The following ACER3 variants were observed in gnomAD, a reference collection of about 807,000 sequenced individuals.
ACER3 encodes the protein alkCDase 3.
Under a neutral mutation model 48.9 loss-of-function variants are expected in ACER3, and 16 were observed. The ratio of observed to expected loss-of-function variants is 0.33; its 90% CI spans 0.22 to 0.50. ACER3 has a LOEUF of 0.50. Among genes scored for constraint, ACER3 ranks in the 20% least tolerant of loss-of-function variants. The pLI is 0.98. For missense variants in ACER3, 227 were observed against 326.0 expected (o/e 0.70, Z 2.34); for synonymous variants, 109 against 107.8 (o/e 1.01, Z -0.07).
intron 2 of ACER3, among the ~76,000 whole-genome samples, chr11:76,942,084 G>T (rs952799540): frequency 1.3e-5 from 2 of 151,948 alleles, no homozygotes; most frequent in African/African-American, 4.8e-5. Context: ...CTTTAGGATT[G>T]TCTGGATATA....
At chr11:76,994,093 A>G (rs1410340546) in intron 6 of ACER3, 5 of 441,194 alleles carry the variant, frequency 1.1e-5, no homozygotes, top group South Asian at 1.6e-5. Flanking sequence ...CTATTTTCCT[A>G]TAACATTTAT....
Position 76,942,717 on chromosome 11 carries a change from C to G in ACER3, c.214+16050C>G, listed in dbSNP as rs12285246. Among the ~76,000 whole-genome samples the G allele has an allele frequency of 1.4e-3, 219 of 151,858 alleles. 2 individuals carry two copies. The highest frequency in any genetic ancestry group is 5.0e-3 in the African/African-American group (208 of 41,490). On this transcript the variant is annotated intron_variant, in intron 2 of 10. Transcript: ENST00000532485. ...TGGCTTTGTAGAATTAAGAAGAATT[C>G]CCTCCTCTTTGATTTTTTGGGTTAG...
chr11:76,928,574 T>C (rs1193511492), intron 2 of ACER3, among the ~76,000 whole-genome samples: 26 of 152,342 alleles, frequency 1.7e-4, no homozygotes, highest in African/African-American at 5.8e-4. Context: ...GGTTTTCTTT[T>C]AGGGTTTTTA....
intron 3 of ACER3, among the ~76,000 whole-genome samples, chr11:76,963,213 G>A (rs1158323987): frequency 1.3e-5 from 2 of 151,328 alleles, no homozygotes; most frequent in Admixed American, 6.6e-5. Context: ...GCAGAGGGAG[G>A]AGGGGGGCTT....
intron 2 of ACER3, among the ~76,000 whole-genome samples, chr11:76,941,029 ACACACACACACG>A (rs1396916927): frequency 1.7e-3 from 230 of 136,290 alleles, no homozygotes; most frequent in African/African-American, 7.5e-3. Flanking sequence ...ACACACACAC[ACACACACACACG>A]CACACACACA....
At chr11:76,990,607 G>A (rs1368722811) in intron 6 of ACER3, 33 bp downstream of exon 6, 2 of 1,326,048 alleles carry the variant, frequency 1.5e-6, no homozygotes, top group Admixed American at 1.8e-5. Context: ...ACATTAGATT[G>A]TTTACGATAC....
chr11:77,021,964 G>T lies in ACER3; in HGVS notation c.*1637G>T, dbSNP rs1949479495. The T allele has an allele frequency of 6.6e-6, 1 of 152,108 alleles. No homozygotes were observed. Among genetic ancestry groups the T allele is most frequent in the Admixed American group, 6.5e-5 (1 of 15,276 alleles). 9.4% of individuals were successfully genotyped at this position (152,108 alleles called of 1,614,324 possible). The stretch of plus-strand genomic sequence containing the variant: ...AAAACATTAAGAGAACTTTGATTCT[G>T]CCTTAAGAGGGTATAAAACTAAACC... On this transcript the variant is annotated 3_prime_UTR_variant, in exon 11 of 11. Transcript: ENST00000532485.
At chr11:76,934,283 G>C (rs886370021) in intron 2 of ACER3, among the ~76,000 whole-genome samples, 2 of 152,184 alleles carry the variant, frequency 1.3e-5, no homozygotes, top group African/African-American at 4.8e-5. Flanking sequence ...TCCCAGACGG[G>C]GTGGCGGCCG....
intron 1 of ACER3, among the ~76,000 whole-genome samples, chr11:76,916,382 G>A (rs1252787406): frequency 6.6e-6 from 1 of 152,170 alleles, no homozygotes; most frequent in South Asian, 2.1e-4. Context: ...GATGATCAGT[G>A]GGTATTTGCT....
intron 1 of ACER3, among the ~76,000 whole-genome samples, chr11:76,882,149 C>T (rs551990615): frequency 4.5e-4 from 68 of 151,864 alleles, no homozygotes; most frequent in Non-Finnish European, 7.2e-4. Flanking sequence ...GGACTACAGG[C>T]GCCCGCCACC....
At chr11:77,013,727 C>A (rs1949312436) in intron 7 of ACER3, among the ~76,000 whole-genome samples, 1 of 152,012 alleles carries the variant, frequency 6.6e-6, no homozygotes. Flanking sequence ...CTTCTCCTAG[C>A]TATTTACCCA....
At chr11:76,906,444 G>A (rs1946233457) in intron 1 of ACER3, among the ~76,000 whole-genome samples, 2 of 152,214 alleles carry the variant, frequency 1.3e-5, no homozygotes, top group African/African-American at 4.8e-5. Flanking sequence ...CAGCACAAGA[G>A]GATTGTTTTC....
At chr11:76,902,339 T>G (rs1002393253) in intron 1 of ACER3, among the ~76,000 whole-genome samples, 1 of 152,204 alleles carries the variant, frequency 6.6e-6, no homozygotes, top group South Asian at 2.1e-4. Context: ...AATCTATAGA[T>G]AGGCCTTTCC....
intron 6 of ACER3, chr11:76,998,514 T>C (rs1555019099): frequency 5.1e-6 from 2 of 395,648 alleles, no homozygotes; most frequent in Non-Finnish European, 8.9e-6. Context: ...CAAGGATCCA[T>C]TCAGAATTAA....
At chr11:77,017,634 A>G (rs1591074529) in intron 9 of ACER3, among the ~76,000 whole-genome samples, 1 of 152,234 alleles carries the variant, frequency 6.6e-6, no homozygotes, top group South Asian at 2.1e-4. Context: ...CAACATTCAT[A>G]TGCAACCACA....
chr11:76,921,835 TCAA>T (rs1213601494), intron 1 of ACER3, among the ~76,000 whole-genome samples: 1 of 152,180 alleles, frequency 6.6e-6, no homozygotes, highest in Non-Finnish European at 1.5e-5. Context: ...GTTCAGATTG[TCAA>T]TCTGACCCAG....
At chr11:77,015,641 T>C (rs1488096410) in intron 8 of ACER3, among the ~76,000 whole-genome samples, 4 of 152,184 alleles carry the variant, frequency 2.6e-5, no homozygotes, top group African/African-American at 9.7e-5. Context: ...GAAATGAGCA[T>C]GCTGAACAGG....
intron 1 of ACER3, among the ~76,000 whole-genome samples, chr11:76,862,775 G>C (rs889393673): frequency 6.6e-6 from 1 of 152,194 alleles, no homozygotes; most frequent in Admixed American, 6.5e-5. Context: ...TTGACTTGGG[G>C]GACAGAGGAC....
intron 1 of ACER3, among the ~76,000 whole-genome samples, chr11:76,895,691 G>A (rs1180279755): frequency 6.6e-6 from 1 of 152,120 alleles, no homozygotes; most frequent in Non-Finnish European, 1.5e-5. Flanking sequence ...TAAGGGCAGA[G>A]AAAAGAAAAC....
Sources: gnomAD v4.1 joint callset for allele counts (sites outside exome capture counted in the v4.1 genomes callset) on GRCh38, gnomAD v4.1.1 for gene constraint, MANE v1.5 for transcripts, NCBI Gene and HGNC (gene_info 2026-07-23, HGNC 2026-07-21) for gene names.